Variants in SMC1B observed in about 807,000 individuals in gnomAD.
SMC1B encodes the protein structural maintenance of chromosomes 1B, also known as structural maintenance of chromosomes protein 1B.
A neutral mutation model predicts 157.9 loss-of-function variants in SMC1B; 60 were observed. That is an observed-to-expected ratio of 0.38 (90% CI 0.31 to 0.47). SMC1B has a LOEUF of 0.47. SMC1B is among the 20% of genes least tolerant of loss of function. The pLI is 0.99. For missense variants in SMC1B, 1,165 were observed against 1,426.2 expected (o/e 0.82, Z 2.95); for synonymous variants, 445 against 483.0 (o/e 0.92, Z 1.03).
chr22:45,387,103 T>C, intron 10 of SMC1B, 57 bp from the exon 11 acceptor site: 1 of 1,380,864 alleles, frequency 7.2e-7, no homozygotes, highest in South Asian at 1.3e-5. Context: ...AACCAAATGT[T>C]CATTATATTC....
At chr22:45,360,979 T>C (rs2086715925) in intron 17 of SMC1B, among the ~76,000 whole-genome samples, 2 of 152,116 alleles carry the variant, frequency 1.3e-5, no homozygotes, top group African/African-American at 2.4e-5. Flanking sequence ...GGTACTTTTT[T>C]TTTTTTTTTT....
intron 15 of SMC1B, among the ~76,000 whole-genome samples, chr22:45,368,074 A>T (rs1044623262): frequency 3.3e-5 from 5 of 152,190 alleles, no homozygotes; most frequent in Admixed American, 2.0e-4. Context: ...AGTGATACTG[A>T]GTATCTCTAA....
rs145433281 is a variant in SMC1B, at chr22:45,393,144, T to C, written c.1545+490A>G. Among the ~76,000 whole-genome samples the C allele has an allele frequency of 4.2e-4, 64 of 152,304 alleles. 1 individual carries two copies. The highest frequency in any genetic ancestry group is 1.5e-3 in the African/African-American group (63 of 41,570). On this transcript the variant is annotated intron_variant, in intron 9 of 24. Transcript: ENST00000357450. The stretch of plus-strand genomic sequence containing the variant: ...CCCGATACAAAAGGAAATAATCTTG[T>C]GATGCTGGCACCCCAAGCAACAAGT...
At chr22:45,351,373 G>C (rs1365312854) in intron 22 of SMC1B, among the ~76,000 whole-genome samples, 2 of 152,152 alleles carry the variant, frequency 1.3e-5, no homozygotes, top group Non-Finnish European at 2.9e-5. Flanking sequence ...GTCTGATTTT[G>C]CTCAGATGAC....
chr22:45,348,957 GCCTC>G (rs2086580704), intron 23 of SMC1B, among the ~76,000 whole-genome samples: 1 of 151,290 alleles, frequency 6.6e-6, no homozygotes, highest in Middle Eastern at 3.5e-3. Flanking sequence ...ACCCGCCTCA[GCCTC>G]CCGAAGTGCT....
chr22:45,348,868 A>ATTTT (rs908421826), intron 23 of SMC1B, among the ~76,000 whole-genome samples: 2 of 151,174 alleles, frequency 1.3e-5, no homozygotes, highest in African/African-American at 4.9e-5. Context: ...TCAGATAATT[A>ATTTT]TTTTTTTAAA....
chr22:45,345,464 G>A lies in SMC1B; in HGVS notation c.3601C>T (p.Pro1201Ser). ...CGCCTCTGATTTGTCTTTACCTCAG[G>A]ATAGATGCCGATCAGCGCGTCGGCT... is the stretch of plus-strand genomic sequence containing the variant. The part of the protein sequence containing the change: ...SRADALIGIY[P>S]EYDDCMFSRV... The change falls in exon 24 of 25, where the codon CCT (proline) becomes TCT (serine). Residue 1201 changes from proline to serine, a missense_variant. Coordinates refer to ENST00000357450, the MANE Select transcript of SMC1B (RefSeq NM_148674.5). The A allele has an allele frequency of 6.2e-7, 1 of 1,608,504 alleles. No homozygotes were observed. The highest frequency in any genetic ancestry group is 8.5e-7 in the Non-Finnish European group (1 of 1,175,140).
intron 5 of SMC1B, among the ~76,000 whole-genome samples, 169 bp downstream of exon 5, chr22:45,402,164 T>A (rs767008435): frequency 6.6e-6 from 1 of 152,224 alleles, no homozygotes; most frequent in African/African-American, 2.4e-5. Context: ...ATTACAGGCA[T>A]GAGCCACCAC....
At position 45,399,345 on chromosome 22, in the gene SMC1B, T is replaced by C. The variant is rs781614640; in HGVS notation, c.863A>G (p.Glu288Gly). 21 of 1,596,198 alleles carry C rather than the reference T, an allele frequency of 1.3e-5. No individual in the cohort carries two copies. In the East Asian group the frequency reaches 4.7e-4, roughly 36 times the overall value. The change falls in exon 6 of 25, where the codon GAA (glutamate) becomes GGA (glycine). Residue 288 changes from glutamate to glycine, a missense_variant. Physicochemically the swap from Glu to Gly is moderately conservative, Grantham distance 98. Coordinates refer to ENST00000357450, the MANE Select transcript of SMC1B (RefSeq NM_148674.5). The part of the protein sequence containing the change: ...QQTEKELKSV[E>G]TLLNQKRPQY... ...AGGCCTCTTCTGATTTAAAAGGGTTTCAACCGATCTGAAAAGGGAAAAATG... is the reference window on the plus strand; with the variant it reads ...AGGCCTCTTCTGATTTAAAAGGGTTCCAACCGATCTGAAAAGGGAAAAATG...
At chr22:45,363,754 GCATA>G (rs2086744791) in intron 15 of SMC1B, among the ~76,000 whole-genome samples, 1 of 151,978 alleles carries the variant, frequency 6.6e-6, no homozygotes, top group African/African-American at 2.4e-5. Flanking sequence ...TCCACACATT[GCATA>G]CAGATGATGT....
At chr22:45,383,709 T>G in intron 11 of SMC1B, 96 bp from the exon 12 acceptor site, 2 of 1,070,208 alleles carry the variant, frequency 1.9e-6, no homozygotes, top group South Asian at 3.4e-5. Context: ...ATAAAACATA[T>G]GAGAAAAGCC....
rs558078446 is a variant in SMC1B at position 45,405,965 on chromosome 22, A to G, written c.615+495T>C. On this transcript the variant is annotated intron_variant, in intron 4 of 24. Coordinates refer to ENST00000357450, the MANE Select transcript of SMC1B (RefSeq NM_148674.5). ...AGTGGTAAAACAATGTCTCTCTTCT[A>G]ATTGGTTGTGGAAAATACAGTTATC... Among the ~76,000 whole-genome samples the G allele has an allele frequency of 3.9e-5, 6 of 152,300 alleles. No individual in the cohort carries two copies. The East Asian group carries it at 1.2e-3, about 29-fold the overall frequency.
At chr22:45,379,924 G>A (rs867248509) in intron 12 of SMC1B, among the ~76,000 whole-genome samples, 1 of 151,448 alleles carries the variant, frequency 6.6e-6, no homozygotes. Flanking sequence ...GTAGAGACAG[G>A]GTTTCACCAT....
intron 22 of SMC1B, among the ~76,000 whole-genome samples, chr22:45,350,149 A>G (rs187056522): frequency 6.6e-6 from 1 of 152,118 alleles, no homozygotes; most frequent in East Asian, 1.9e-4. Context: ...GTGCTTATCT[A>G]ATCAACTCCC....
intron 21 of SMC1B, among the ~76,000 whole-genome samples, chr22:45,352,932 A>C (rs6006995): frequency 0.48 from 73,196 of 152,014 alleles, 20,252 homozygotes; most frequent in African/African-American, 0.77. Context: ...ACATGTACTG[A>C]ATACCTATTA....
In SMC1B at chr22:45,358,755, A is replaced by G. The variant is rs759856679; in HGVS notation, c.2903T>C (p.Ile968Thr). Residue 968 changes from isoleucine (I) to threonine (T), a missense_variant, in exon 19 of 25, where the codon ATC becomes ACC. Coordinates refer to ENST00000357450, the MANE Select transcript of SMC1B (RefSeq NM_148674.5). Reference protein sequence around the residue: ...EAESTQATIDIYEKEEAFEID... With the variant: ...EAESTQATIDTYEKEEAFEID... ...TTCAAAGGCTTCTTCTTTTTCATAG[A>G]TATCAATTGTTGCCTGGGTACTTTC... 6.8e-6 allele frequency: 11 copies of G among 1,613,124 alleles called. No homozygotes were observed. In the Admixed American group the frequency reaches 1.0e-4, roughly 15 times the overall value.
chr22:45,365,247 G>T (rs1187708520), intron 15 of SMC1B, among the ~76,000 whole-genome samples: 1 of 152,102 alleles, frequency 6.6e-6, no homozygotes, highest in African/African-American at 2.4e-5. Flanking sequence ...CCTCTAGCCT[G>T]GGCCTCGCCT....
rs979458303 is a variant in SMC1B at position 45,389,843 on chromosome 22, C to T, written c.1600G>A (p.Val534Ile). 1 of 1,614,118 alleles carries T rather than the reference C, an allele frequency of 6.2e-7. No homozygotes were observed. The highest frequency in any genetic ancestry group is 1.3e-5 in the African/African-American group (1 of 75,050). ...HPIHKKYQLA[V>I]TKVFGRFITA... is the part of the protein sequence containing the mutation. The stretch of plus-strand genomic sequence containing the variant: ...ATGAACCGGCCAAAAACCTTAGTAA[C>T]AGCCAGCTGGTATTTCTTATGAATA... The change falls in exon 10 of 25, where the codon GTT becomes ATT. Residue 534 changes from valine to isoleucine, a missense_variant. By Grantham distance (29) the Val-to-Ile change is conservative. Coordinates refer to ENST00000357450, the MANE Select transcript of SMC1B (RefSeq NM_148674.5).
intron 12 of SMC1B, among the ~76,000 whole-genome samples, chr22:45,375,532 C>A (rs998225124): frequency 6.6e-6 from 1 of 152,184 alleles, no homozygotes; most frequent in Non-Finnish European, 1.5e-5. Context: ...ATAACTATTT[C>A]TTGATTTTAA....
Sources: allele counts gnomAD v4.1 joint callset (sites outside exome capture counted in the v4.1 genomes callset), GRCh38; gene constraint gnomAD v4.1.1; transcripts MANE v1.5; gene names NCBI Gene and HGNC (gene_info 2026-07-23, HGNC 2026-07-21).